The following SMIM31 variants were observed in gnomAD, a reference collection of about 807,000 sequenced individuals.
SMIM31 encodes the protein small integral membrane protein 31, also known as human epithelial cell program regulator.
chr4:164,775,746 G>A (rs1732873190), intron 2 of SMIM31, among the ~76,000 whole-genome samples: 1 of 152,160 alleles, frequency 6.6e-6, no homozygotes, highest in Non-Finnish European at 1.5e-5. Flanking sequence ...TTTCTGGCAT[G>A]GAGAAAAGAG....
chr4:164,798,899 C>T (rs554555553), intron 2 of SMIM31, among the ~76,000 whole-genome samples: 3 of 152,092 alleles, frequency 2.0e-5, no homozygotes, highest in South Asian at 4.2e-4. Flanking sequence ...TCATGAAGTC[C>T]GACTGTTTAA....
chr4:164,790,728 C>T (rs1733088540), intron 2 of SMIM31, among the ~76,000 whole-genome samples: 2 of 151,982 alleles, frequency 1.3e-5, no homozygotes, highest in Non-Finnish European at 2.9e-5. Context: ...AAAAAGTATA[C>T]TTTTTGGGTA....
At chr4:164,758,847 T>G (rs867323790) in intron 1 of SMIM31, among the ~76,000 whole-genome samples, 6 of 116,658 alleles carry the variant, frequency 5.1e-5, no homozygotes, top group African/African-American at 2.1e-4. Context: ...TTTTTGTATT[T>G]TTAGTAGAGA....
At chr4:164,772,735 C>A (rs375654483) in intron 2 of SMIM31, among the ~76,000 whole-genome samples, 2 of 151,584 alleles carry the variant, frequency 1.3e-5, no homozygotes, top group African/African-American at 2.4e-5. Context: ...CCCGCCACCA[C>A]GCCCGGCTAA....
chr4:164,785,317 C>T (rs1733013816), intron 2 of SMIM31, among the ~76,000 whole-genome samples: 2 of 151,946 alleles, frequency 1.3e-5, no homozygotes, highest in Admixed American at 1.3e-4. Context: ...AAAAACACTC[C>T]AAAATGGGTT....
At chr4:164,758,632 T>G (rs1256144600) in intron 1 of SMIM31, among the ~76,000 whole-genome samples, 1 of 120,332 alleles carries the variant, frequency 8.3e-6, no homozygotes, top group Non-Finnish European at 1.8e-5. Context: ...CTTTTTTTGT[T>G]TTTTTTTTTT....
chr4:164,776,982 G>A (rs2110940403), intron 2 of SMIM31, among the ~76,000 whole-genome samples: 1 of 152,280 alleles, frequency 6.6e-6, no homozygotes, highest in South Asian at 2.1e-4. Flanking sequence ...ATACTCATTA[G>A]GATCTCATGG....
At chr4:164,761,112 C>T (rs1732643690) in intron 1 of SMIM31, among the ~76,000 whole-genome samples, 1 of 152,040 alleles carries the variant, frequency 6.6e-6, no homozygotes, top group Admixed American at 6.6e-5. Flanking sequence ...GTTATTCTTC[C>T]CATTTTGAAA....
Position 164,788,478 on chromosome 4 carries a change from CTTTTTTTTTTTTT to C in SMIM31, c.113-12597_113-12585del, listed in dbSNP as rs72177805. ...ATAAAATTTCTTTCTTCTAATTTTT[CTTTTTTTTTTTTT>C]TTTTTTTTTTTTTTTGAGACGGAGT... On this transcript the variant is annotated intron_variant, in intron 2 of 2. Transcript: ENST00000507311. Among the ~76,000 whole-genome samples the C allele has an allele frequency of 5.0e-4, 29 of 58,192 alleles. 1 individual carries two copies. Among genetic ancestry groups the C allele is most frequent in the African/African-American group, 1.9e-3 (27 of 13,862 alleles). The allele number at this position is 58,192 out of a possible 152,430, so 38.2% of individuals were successfully genotyped here.
At chr4:164,792,022 C>T (rs530357015) in intron 2 of SMIM31, among the ~76,000 whole-genome samples, 1 of 152,338 alleles carries the variant, frequency 6.6e-6, no homozygotes, top group Admixed American at 6.5e-5. Flanking sequence ...TAGATCCTTG[C>T]TACACAAAGT....
intron 2 of SMIM31, among the ~76,000 whole-genome samples, chr4:164,778,363 C>T (rs1732904706): frequency 6.6e-6 from 1 of 152,104 alleles, no homozygotes; most frequent in African/African-American, 2.4e-5. Context: ...CCACCTCATT[C>T]TTCTCCAAAA....
chr4:164,773,656 A>G (rs1038211411), intron 2 of SMIM31, among the ~76,000 whole-genome samples: 1 of 152,202 alleles, frequency 6.6e-6, no homozygotes, highest in African/African-American at 2.4e-5. Context: ...GATTATGAGC[A>G]CTGTAATTCA....
intron 2 of SMIM31, among the ~76,000 whole-genome samples, chr4:164,800,478 A>G (rs980594474): frequency 1.2e-4 from 19 of 152,100 alleles, no homozygotes; most frequent in Non-Finnish European, 5.9e-5. Context: ...AAAGTGCTGG[A>G]ATTACAGGCA....
intron 1 of SMIM31, among the ~76,000 whole-genome samples, chr4:164,768,178 G>A (rs993937141): frequency 7.3e-5 from 11 of 151,630 alleles, no homozygotes; most frequent in Non-Finnish European, 1.3e-4. Flanking sequence ...CGAGGCTGCA[G>A]TGAACTGTTA....
intron 2 of SMIM31, among the ~76,000 whole-genome samples, chr4:164,798,295 T>G (rs1297328012): frequency 6.6e-6 from 1 of 151,520 alleles, no homozygotes; most frequent in Non-Finnish European, 1.5e-5. Flanking sequence ...GTGCAATGGC[T>G]CGATCTCAGG....
intron 2 of SMIM31, among the ~76,000 whole-genome samples, chr4:164,783,044 C>T (rs957407586): frequency 6.6e-6 from 1 of 151,002 alleles, no homozygotes; most frequent in South Asian, 2.1e-4. Context: ...ACAGTGAAAC[C>T]CCATCTCTAC....
intron 1 of SMIM31, among the ~76,000 whole-genome samples, chr4:164,762,225 C>T (rs1228381143): frequency 8.6e-6 from 1 of 116,316 alleles, no homozygotes; most frequent in African/African-American, 2.7e-5. Flanking sequence ...AAATGGATAA[C>T]AAGCATGGGC....
chr4:164,801,046 A>G (rs367659996), intron 2 of SMIM31, 45 bp from the exon 3 acceptor site: 7 of 398,500 alleles, frequency 1.8e-5, no homozygotes, highest in East Asian at 3.6e-5. Flanking sequence ...ACTTTTTCCA[A>G]ATGGTGTATT....
chr4:164,788,081 CAG>C (rs1168468690), intron 2 of SMIM31, among the ~76,000 whole-genome samples: 1 of 152,164 alleles, frequency 6.6e-6, no homozygotes, highest in African/African-American at 2.4e-5. Context: ...AAATGTTTCT[CAG>C]ATGTATTTTC....
Sources: gnomAD v4.1 joint callset for allele counts (sites outside exome capture counted in the v4.1 genomes callset) on GRCh38, gnomAD v4.1.1 for gene constraint, MANE v1.5 for transcripts, NCBI Gene and HGNC (gene_info 2026-07-23, HGNC 2026-07-21) for gene names.